Variants in CFAP45 observed in about 807,000 individuals in gnomAD.
CFAP45 encodes cilia and flagella associated protein 45.
Under a neutral mutation model 75.6 loss-of-function variants are expected in CFAP45, and 43 were observed. The observed-to-expected ratio is 0.57, with a 90% CI of 0.45 to 0.73. The LOEUF (loss-of-function observed/expected upper bound fraction) is 0.73, where lower values mean the gene tolerates loss of function less well. CFAP45 is among the 30% of genes least tolerant of loss of function. CFAP45 has a pLI of 0.00. For missense variants in CFAP45, 689 were observed against 701.5 expected, an observed-to-expected ratio of 0.98 and a Z score of 0.20; for synonymous variants, 223 against 244.6, an observed-to-expected ratio of 0.91 and a Z score of 0.82.
intron 7 of CFAP45, among the ~76,000 whole-genome samples, chr1:159,883,006 C>A (rs1649585151): frequency 6.6e-6 from 1 of 152,184 alleles, no homozygotes; most frequent in African/African-American, 2.4e-5. Flanking sequence ...TCTAGCAGCT[C>A]CTCACACTGC....
rs1259958738 is a variant in CFAP45, at chr1:159,888,513, CAG to C, written c.273-19_273-18del. 1.9e-6 allele frequency: 3 copies of C among 1,612,958 alleles called. No individual in the cohort carries two copies. Among genetic ancestry groups the C allele is most frequent in the South Asian group, 1.1e-5 (1 of 91,012 alleles). ...GTGGGAACACTGTCACAAGAATAAA[CAG>C]AGTTAGGGAGGGGAGAGGGAAAGCT... On this transcript the variant is annotated intron_variant, in intron 3 of 11. Transcript: ENST00000368099.
chr1:159,884,407 A>G, intron 7 of CFAP45, 29 bp downstream of exon 7: 2 of 1,578,938 alleles, frequency 1.3e-6, no homozygotes, highest in Non-Finnish European at 1.7e-6. Context: ...CAGCTGGTGA[A>G]ACGTGGCATT....
chr1:159,887,976 C>A lies in CFAP45; in HGVS notation c.453G>T (p.Gln151His). ...TGTTGTTGTTCCACACCATCTCCTT[C>A]TGTTTCATGATCTTCTTTCGTGTCA... ...AVMTRKKIMK[Q>H]KEMVWNNNKK... The change falls in exon 5 of 12, where the codon CAG (glutamine) becomes CAT (histidine). Residue 151 changes from glutamine to histidine, a missense_variant. Gln to His is a conservative substitution (Grantham distance 24). Transcript: ENST00000368099. The A allele has an allele frequency of 6.2e-7, 1 of 1,614,234 alleles. No homozygotes were observed. Among genetic ancestry groups the A allele is most frequent in the Non-Finnish European group, 8.5e-7 (1 of 1,180,046 alleles).
At position 159,876,749 on chromosome 1, in the gene CFAP45, C is replaced by G. The variant is rs1223465039; in HGVS notation, c.1159G>C (p.Asp387His). ...EKAQDYQAEQ[D>H]ALRAKRNQEV... The stretch of plus-strand genomic sequence containing the variant: ...TGGTTGCGCTTGGCCCGCAAGGCAT[C>G]CTGGGAATGTTGGCAGGGGACCAGT... The change falls in exon 10 of 12, where the codon GAT (aspartate) becomes CAT (histidine). Residue 387 changes from aspartate (D) to histidine (H), a missense_variant and splice_region_variant. By Grantham distance (81) the Asp-to-His change is moderately conservative. Transcript: ENST00000368099. 2 of 1,614,002 alleles carry G rather than the reference C, an allele frequency of 1.2e-6. No homozygotes were observed. The highest frequency in any genetic ancestry group is 1.7e-6 in the Non-Finnish European group (2 of 1,180,034).
chr1:159,875,185 C>A (rs1032427748), intron 10 of CFAP45, among the ~76,000 whole-genome samples: 2 of 152,174 alleles, frequency 1.3e-5, no homozygotes, highest in African/African-American at 4.8e-5. Flanking sequence ...ATAAATGGGT[C>A]GGCAGCAAAA....
chr1:159,887,747 C>A, intron 5 of CFAP45, 94 bp downstream of exon 5: 1 of 1,335,726 alleles, frequency 7.5e-7, no homozygotes, highest in Non-Finnish European at 1.0e-6. Context: ...GCCCACACCC[C>A]CACCAGTCCC....
In CFAP45 at chr1:159,886,702, G is replaced by A. The variant is rs781529279; in HGVS notation, c.589-13C>T. ...CATTGAGGATAATCTGGAGAGTGGA[G>A]ATTAAACTGTAGCACTAGGCCTAGG... On this transcript the variant is annotated splice_polypyrimidine_tract_variant and intron_variant, in intron 5 of 11. Coordinates refer to ENST00000368099, the MANE Select transcript of CFAP45 (RefSeq NM_012337.3). 8 of 1,611,786 alleles carry A rather than the reference G, an allele frequency of 5.0e-6. No homozygotes were observed. Among genetic ancestry groups the A allele is most frequent in the Middle Eastern group, 1.6e-4 (1 of 6,074 alleles).
rs1649800266 is a variant in CFAP45, at chr1:159,890,530, GCGA to G, written c.219_221del (p.Arg74del). 6.2e-7 allele frequency: 1 copy of G among 1,614,134 alleles called. No individual in the cohort carries two copies. Among genetic ancestry groups the G allele is most frequent in the South Asian group, 1.1e-5 (1 of 91,082 alleles). ...TGATGAGCTGGATGGTCTCTGGCTT[GCGA>G]TCCAAGCCCAAAGCAGTGAGAGTTT... is the stretch of plus-strand genomic sequence containing the variant. On this transcript the variant is annotated inframe_deletion, in exon 3 of 12. Coordinates refer to ENST00000368099, the MANE Select transcript of CFAP45 (RefSeq NM_012337.3).
chr1:159,884,146 A>C (rs957810767), intron 7 of CFAP45, among the ~76,000 whole-genome samples: 2 of 152,208 alleles, frequency 1.3e-5, no homozygotes, highest in Non-Finnish European at 2.9e-5. Context: ...ACTTGTGCAA[A>C]GCATGCAGCC....
rs961302394 is a variant in CFAP45 at position 159,877,821 on chromosome 1, G to T, written c.1045-359C>A. On this transcript the variant is annotated intron_variant, in intron 8 of 11. Coordinates refer to ENST00000368099, the MANE Select transcript of CFAP45 (RefSeq NM_012337.3). The stretch of plus-strand genomic sequence containing the variant: ...GAACCTGGGAAGTCGAGGATGCAGT[G>T]AATCATGATTGCATTACTGCATTCC... 2.0e-5 allele frequency among the ~76,000 whole-genome samples: 3 copies of T among 151,974 alleles called. No homozygotes were observed. In the East Asian group the frequency reaches 5.8e-4, roughly 29 times the overall value.
Position 159,890,590 on chromosome 1 carries a change from A to T in CFAP45, c.162T>A (p.Ile54=). 6.2e-7 allele frequency: 1 copy of T among 1,614,016 alleles called. No individual in the cohort carries two copies. The highest frequency in any genetic ancestry group is 2.2e-5 in the East Asian group (1 of 44,868). ...SPAQGQSDSP[I]VLLRDKHTLQ... is the part of the protein sequence containing the mutation. The stretch of plus-strand genomic sequence containing the variant: ...GGGTATGCTTATCTCGGAGCAGCAC[A>T]ATGGGGCTGTCGCTCTGGCCCTGGG... The change falls in exon 3 of 12, where the codon ATT becomes ATA. Residue 54 remains isoleucine (I), a synonymous_variant. Coordinates refer to ENST00000368099, the MANE Select transcript of CFAP45 (RefSeq NM_012337.3).
At position 159,889,546 on chromosome 1, in the gene CFAP45, A is replaced by G. The variant is rs1649778248; in HGVS notation, c.272+934T>C. On this transcript the variant is annotated intron_variant, in intron 3 of 11. Coordinates refer to ENST00000368099, the MANE Select transcript of CFAP45 (RefSeq NM_012337.3). ...ACCAGCAGTGATCCGAATCTAAGAC[A>G]GCAGTTTATACTGCTTTCAGCATCC... 2.0e-5 allele frequency among the ~76,000 whole-genome samples: 3 copies of G among 152,338 alleles called. No individual in the cohort carries two copies. In the South Asian group the frequency reaches 6.2e-4, roughly 32 times the overall value.
chr1:159,884,432 T>C lies in CFAP45; in HGVS notation c.897+4A>G. The C allele has an allele frequency of 6.2e-7, 1 of 1,605,732 alleles. No homozygotes were observed. The highest frequency in any genetic ancestry group is 8.5e-7 in the Non-Finnish European group (1 of 1,175,690). On this transcript the variant is annotated splice_donor_region_variant and intron_variant, in intron 7 of 11. Transcript: ENST00000368099. ...AACGTGGCATTGTCTGTCTGGCCTG[T>C]TACCTTTAGATCTTCCTCTTGGAGC...
In CFAP45 at chr1:159,887,973, C is replaced by G; in HGVS notation, c.456G>C (p.Lys152Asn). Residue 152 changes from lysine (K) to asparagine (N), a missense_variant, in exon 5 of 12, where the codon AAG (lysine) becomes AAC (asparagine). Coordinates refer to ENST00000368099, the MANE Select transcript of CFAP45 (RefSeq NM_012337.3). ...TCTTGTTGTTGTTCCACACCATCTC[C>G]TTCTGTTTCATGATCTTCTTTCGTG... is the stretch of plus-strand genomic sequence containing the variant. ...VMTRKKIMKQ[K>N]EMVWNNNKKL... 1 of 1,614,230 alleles carries G rather than the reference C, an allele frequency of 6.2e-7. No individual in the cohort carries two copies. The highest frequency in any genetic ancestry group is 8.5e-7 in the Non-Finnish European group (1 of 1,180,038).
At chr1:159,888,759 AC>A (rs531720943) in intron 3 of CFAP45, among the ~76,000 whole-genome samples, 4 of 132,952 alleles carry the variant, frequency 3.0e-5, no homozygotes, top group Non-Finnish European at 6.5e-5. Context: ...TGCAGCTGAG[AC>A]CCCCCATCAT....
At chr1:159,877,998 G>T (rs1009215594) in intron 8 of CFAP45, among the ~76,000 whole-genome samples, 1 of 152,158 alleles carries the variant, frequency 6.6e-6, no homozygotes, top group African/African-American at 2.4e-5. Context: ...GTGTTATCCT[G>T]GAGAGCCCTC....
intron 7 of CFAP45, among the ~76,000 whole-genome samples, chr1:159,882,126 C>T (rs1435194410): frequency 6.6e-6 from 1 of 152,192 alleles, no homozygotes; most frequent in East Asian, 1.9e-4. Flanking sequence ...CTCTCTGCCT[C>T]TGAGGTCCAT....
chr1:159,892,818 C>G (rs146821209), intron 2 of CFAP45, among the ~76,000 whole-genome samples: 1 of 152,142 alleles, frequency 6.6e-6, no homozygotes, highest in Non-Finnish European at 1.5e-5. Flanking sequence ...TTGGATGGAG[C>G]GGGGAAGATG....
At chr1:159,883,429 T>C (rs370317223) in intron 7 of CFAP45, among the ~76,000 whole-genome samples, 7 of 152,064 alleles carry the variant, frequency 4.6e-5, no homozygotes, top group Admixed American at 3.3e-4. Flanking sequence ...TTTGGAACAA[T>C]TGGGGAATGT....
Sources: gnomAD v4.1 joint callset for allele counts (sites outside exome capture counted in the v4.1 genomes callset) on GRCh38, gnomAD v4.1.1 for gene constraint, MANE v1.5 for transcripts, NCBI Gene and HGNC (gene_info 2026-07-23, HGNC 2026-07-21) for gene names.